KAT7: variants seen among roughly 807,000 people sequenced by gnomAD.
KAT7 encodes the protein lysine acetyltransferase 7.
A neutral mutation model predicts 82.1 loss-of-function variants in KAT7; 10 were observed. The ratio of observed to expected loss-of-function variants is 0.12; its 90% CI spans 0.08 to 0.21. KAT7 has a LOEUF of 0.21. Ranked by LOEUF, KAT7 falls within the 10% of genes least tolerant of loss-of-function variation. The probability of loss-of-function intolerance (pLI) is 1.00; values close to 1 mark genes in which losing one functional copy is unlikely to be tolerated. For synonymous variants in KAT7, 250 were observed against 262.5 expected, an observed-to-expected ratio of 0.95 and a Z score of 0.46; for missense variants, 378 against 760.9, an observed-to-expected ratio of 0.50 and a Z score of 5.92.
At chr17:49,817,731 T>C in intron 8 of KAT7, 89 bp from the exon 9 acceptor site, 1 of 1,016,248 alleles carries the variant, frequency 9.8e-7, no homozygotes, top group Non-Finnish European at 1.5e-6. Context: ...CCTCCCAAAG[T>C]GTTGGGATTA....
intron 4 of KAT7, among the ~76,000 whole-genome samples, chr17:49,800,002 T>C (rs1228702584): frequency 2.1e-5 from 3 of 143,948 alleles, no homozygotes; most frequent in African/African-American, 7.6e-5. Context: ...TTTGGATTGT[T>C]TCCTGGCCTT....
Position 49,829,885 on chromosome 17 carries a change from G to GTT in KAT7, c.*2395_*2396dup, listed in dbSNP as rs61436973. ...GCATGAGACTATCCCATTTCATTCC[G>GTT]TTTTTTTTTTTTTGAGTCAGAGTCT... On this transcript the variant is annotated 3_prime_UTR_variant, in exon 15 of 15. Transcript: ENST00000259021. The GTT allele has an allele frequency of 1.4e-3, 200 of 145,698 alleles. No individual in the cohort carries two copies. Among genetic ancestry groups the GTT allele is most frequent in the East Asian group, 5.4e-3 (27 of 5,026 alleles). The allele number at this position is 145,698 out of a possible 1,614,324, so 9.0% of individuals were successfully genotyped here. A position where few individuals can be genotyped will look rare whatever the true frequency, so the allele number is the denominator to read the frequency against.
intron 3 of KAT7, 59 bp from the exon 4 acceptor site, chr17:49,798,260 A>G (rs2073980650): frequency 1.3e-6 from 2 of 1,542,086 alleles, no homozygotes; most frequent in East Asian, 2.3e-5. Flanking sequence ...AACTCTGAAT[A>G]GTAAACTTCT....
intron 4 of KAT7, among the ~76,000 whole-genome samples, chr17:49,800,670 T>C (rs2074013320): frequency 6.6e-6 from 1 of 152,172 alleles, no homozygotes. Context: ...TGCCAGATAC[T>C]GTTTTAAGTT....
intron 3 of KAT7, among the ~76,000 whole-genome samples, chr17:49,797,388 A>G (rs1044208764): frequency 2.6e-5 from 4 of 152,166 alleles, no homozygotes; most frequent in African/African-American, 9.7e-5. Flanking sequence ...TGCTGAGGAC[A>G]GTTTGATATC....
intron 2 of KAT7, among the ~76,000 whole-genome samples, chr17:49,794,899 C>A (rs1238339234): frequency 6.6e-6 from 1 of 152,124 alleles, no homozygotes; most frequent in Non-Finnish European, 1.5e-5. Flanking sequence ...TGAAAGGAGG[C>A]CCCTTGGAGA....
At chr17:49,819,802 G>A (rs1371613599) in intron 9 of KAT7, among the ~76,000 whole-genome samples, 1 of 152,156 alleles carries the variant, frequency 6.6e-6, no homozygotes. Flanking sequence ...GTTATTGTTG[G>A]GAAGAGCCAG....
At chr17:49,820,254 AC>A (rs1336625847) in intron 9 of KAT7, among the ~76,000 whole-genome samples, 1 of 151,518 alleles carries the variant, frequency 6.6e-6, no homozygotes, top group East Asian at 1.9e-4. Flanking sequence ...AAAAAAAAAA[AC>A]TTTTTTTTAT....
At chr17:49,816,137 G>A (rs2074231086) in intron 8 of KAT7, among the ~76,000 whole-genome samples, 1 of 151,970 alleles carries the variant, frequency 6.6e-6, no homozygotes, top group East Asian at 1.9e-4. Context: ...TTCCACCTCG[G>A]CTCCCGGAAG....
At position 49,813,380 on chromosome 17, in the gene KAT7, T is replaced by C. The variant is rs531505331; in HGVS notation, c.852+1806T>C. On this transcript the variant is annotated intron_variant, in intron 7 of 14. Coordinates refer to ENST00000259021, the MANE Select transcript of KAT7 (RefSeq NM_007067.5). ...TCATTCTTTTTTATGGCTGCTCTTT[T>C]AGATTTTTTTCTGACATTTTAGTTT... Among the ~76,000 whole-genome samples the C allele has an allele frequency of 3.9e-5, 6 of 152,322 alleles. No homozygotes were observed. The South Asian group carries it at 6.2e-4, about 16-fold the overall frequency.
chr17:49,792,332 T>TC (rs2073901110), intron 2 of KAT7, among the ~76,000 whole-genome samples: 1 of 152,204 alleles, frequency 6.6e-6, no homozygotes, highest in Admixed American at 6.5e-5. Flanking sequence ...TCGCAGTGTC[T>TC]CCATCAGTAA....
chr17:49,807,402 T>C (rs2074104658), intron 5 of KAT7, among the ~76,000 whole-genome samples: 2 of 152,036 alleles, frequency 1.3e-5, no homozygotes, highest in South Asian at 4.1e-4. Flanking sequence ...AGAAAAGATA[T>C]CTTAAGTAGA....
intron 11 of KAT7, among the ~76,000 whole-genome samples, chr17:49,822,625 GGTTTAT>G (rs747808542): frequency 2.6e-5 from 4 of 152,080 alleles, no homozygotes; most frequent in Non-Finnish European, 5.9e-5. Flanking sequence ...ACAATTTAGT[GGTTTAT>G]AGTGTATTCA....
At chr17:49,812,289 A>G (rs925175756) in intron 7 of KAT7, among the ~76,000 whole-genome samples, 3 of 149,232 alleles carry the variant, frequency 2.0e-5, no homozygotes, top group African/African-American at 4.9e-5. Flanking sequence ...CAGTGGCACA[A>G]TCTCGGCTCA....
rs764734941 is a variant in KAT7 at position 49,823,310 on chromosome 17, T to G, written c.1480+15T>G. 1 of 1,374,618 alleles carries G rather than the reference T, an allele frequency of 7.3e-7. No homozygotes were observed. Among genetic ancestry groups the G allele is most frequent in the Non-Finnish European group, 1.0e-6 (1 of 963,016 alleles). The allele number at this position is 1,374,618 out of a possible 1,614,324, so 85.2% of individuals were successfully genotyped here. On this transcript the variant is annotated intron_variant, in intron 12 of 14. Transcript: ENST00000259021. ...TATTGATTTCAGTAAGTGAAACTGC[T>G]AAGTCATTAGTTCCACAAGGCAGGG...
intron 9 of KAT7, among the ~76,000 whole-genome samples, chr17:49,819,329 G>A (rs994009718): frequency 6.6e-6 from 1 of 152,176 alleles, no homozygotes; most frequent in South Asian, 2.1e-4. Flanking sequence ...GTCATGGAGG[G>A]GAGGTGATTG....
chr17:49,806,716 G>A (rs111754564), intron 5 of KAT7, among the ~76,000 whole-genome samples: 1,536 of 152,308 alleles, frequency 0.01, 19 homozygotes, highest in South Asian at 0.036. Flanking sequence ...TTAGTTTGTA[G>A]CAATATGACC....
At chr17:49,791,396 G>A (rs909360703) in intron 1 of KAT7, among the ~76,000 whole-genome samples, 4 of 152,186 alleles carry the variant, frequency 2.6e-5, no homozygotes, top group Admixed American at 6.5e-5. Context: ...GGTGGCTCAC[G>A]TCTGTAATCC....
chr17:49,812,843 C>T (rs553512335), intron 7 of KAT7, among the ~76,000 whole-genome samples: 1 of 151,998 alleles, frequency 6.6e-6, no homozygotes, highest in Non-Finnish European at 1.5e-5. Context: ...GCTGGGATTA[C>T]AGGCGCCCAC....
Sources: gnomAD v4.1 joint callset for allele counts (sites outside exome capture counted in the v4.1 genomes callset) on GRCh38, gnomAD v4.1.1 for gene constraint, MANE v1.5 for transcripts, NCBI Gene and HGNC (gene_info 2026-07-23, HGNC 2026-07-21) for gene names.